The following N4BP2L2 variants were observed in gnomAD, a reference collection of about 807,000 sequenced individuals.
N4BP2L2 encodes the protein NEDD4-binding protein 2-like 2.
Under a neutral mutation model 56.2 loss-of-function variants are expected in N4BP2L2, and 50 were observed. That is an observed-to-expected ratio of 0.89 (90% CI 0.71 to 1.13). The LOEUF (loss-of-function observed/expected upper bound fraction) is 1.13, where lower values mean the gene tolerates loss of function less well. N4BP2L2 is among the 50% of genes most tolerant of loss of function. The pLI, the probability that N4BP2L2 is intolerant of heterozygous loss-of-function variation, is 0.00. For missense variants in N4BP2L2, 689 were observed against 693.8 expected, an observed-to-expected ratio of 0.99 and a Z score of 0.08; for synonymous variants, 203 against 223.6, an observed-to-expected ratio of 0.91 and a Z score of 0.82.
intron 6 of N4BP2L2, among the ~76,000 whole-genome samples, chr13:32,451,457 T>A (rs1400983203): frequency 1.3e-5 from 2 of 152,076 alleles, no homozygotes; most frequent in Non-Finnish European, 2.9e-5. Flanking sequence ...ATTATATGAA[T>A]AACTTTATAA....
chr13:32,434,250 TTTTTTC>T (rs1312500403), intron 9 of N4BP2L2, among the ~76,000 whole-genome samples: 18 of 135,130 alleles, frequency 1.3e-4, no homozygotes, highest in South Asian at 2.4e-4. Flanking sequence ...CTAATTTTCT[TTTTTTC>T]TTTTTTTTTT....
At chr13:32,517,632 ATATTTT>A in exon 6 of N4BP2L2, 1 of 1,399,834 alleles carries the variant, frequency 7.1e-7, no homozygotes, top group Non-Finnish European at 9.2e-7. Flanking sequence ...ACAATTTCAT[ATATTTT>A]TATTTACACT....
At position 32,500,395 on chromosome 13, in the gene N4BP2L2, T is replaced by C. The variant is rs371042372; in HGVS notation, c.365+17462A>G. 2.6e-5 allele frequency among the ~76,000 whole-genome samples: 4 copies of C among 151,908 alleles called. No homozygotes were observed. The East Asian group carries it at 7.7e-4, about 29-fold the overall frequency. On this transcript the variant is annotated intron_variant, in intron 6 of 9. Transcript: ENST00000357505. ...AATAACTTCTACTTCAGTTTAAAAG[T>C]AGAAAATAAAAAGTAAGCCAGGAAG... is the stretch of plus-strand genomic sequence containing the variant.
intron 5 of N4BP2L2, among the ~76,000 whole-genome samples, chr13:32,519,065 C>G (rs1031903376): frequency 2.3e-4 from 35 of 151,714 alleles, no homozygotes; most frequent in African/African-American, 7.8e-4. Context: ...CTTTTCAATG[C>G]TGATGTTTAC....
intron 6 of N4BP2L2, among the ~76,000 whole-genome samples, chr13:32,491,654 C>T (rs1268040016): frequency 1.5e-5 from 2 of 135,532 alleles, no homozygotes; most frequent in Admixed American, 7.9e-5. Flanking sequence ...TTTTTTGAGA[C>T]GGAGTCTAAC....
At chr13:32,502,361 G>A (rs865806408) in intron 6 of N4BP2L2, among the ~76,000 whole-genome samples, 3 of 152,058 alleles carry the variant, frequency 2.0e-5, no homozygotes, top group African/African-American at 4.8e-5. Context: ...ACAGGTGTGA[G>A]CCCAGCCTAT....
At chr13:32,476,338 T>C (rs2083314215) in intron 6 of N4BP2L2, among the ~76,000 whole-genome samples, 3 of 152,208 alleles carry the variant, frequency 2.0e-5, no homozygotes, top group African/African-American at 7.2e-5. Context: ...AAATGGCTTC[T>C]TTGCTTTTGT....
At chr13:32,432,721 A>C (rs1289956006) in exon 10 of N4BP2L2, 1 of 152,204 alleles carries the variant, frequency 6.6e-6, no homozygotes, top group East Asian at 1.9e-4. Context: ...TCTGTGCCTT[A>C]CTTTCTTCTA....
At chr13:32,462,912 G>T (rs545388276) in intron 6 of N4BP2L2, among the ~76,000 whole-genome samples, 1 of 140,996 alleles carries the variant, frequency 7.1e-6, no homozygotes, top group African/African-American at 2.6e-5. Flanking sequence ...GCACAGCAGC[G>T]CATGCCTGTA....
intron 3 of N4BP2L2, 69 bp from the exon 4 acceptor site, chr13:32,522,339 A>G (rs2051211173): frequency 9.7e-7 from 1 of 1,030,540 alleles, no homozygotes; most frequent in Non-Finnish European, 1.4e-6. Flanking sequence ...TTAAACATTT[A>G]TTATTAAGAA....
chr13:32,536,689 G>A (rs745527587), exon 2 of N4BP2L2: 8 of 1,613,962 alleles, frequency 5.0e-6, no homozygotes, highest in Middle Eastern at 1.7e-4. Context: ...ATATCTCATC[G>A]TCTGCGGATA....
intron 7 of N4BP2L2, among the ~76,000 whole-genome samples, chr13:32,441,211 C>T (rs1013522388): frequency 6.6e-6 from 1 of 152,176 alleles, no homozygotes; most frequent in African/African-American, 2.4e-5. Flanking sequence ...AGTCAGGCTT[C>T]CACCTCATCC....
At chr13:32,485,479 A>G (rs897656986) in intron 6 of N4BP2L2, among the ~76,000 whole-genome samples, 11 of 152,214 alleles carry the variant, frequency 7.2e-5, no homozygotes, top group African/African-American at 2.7e-4. Flanking sequence ...AACCAAAAAC[A>G]TCACACAAAA....
intron 5 of N4BP2L2, among the ~76,000 whole-genome samples, chr13:32,520,151 T>C (rs2050394258): frequency 6.6e-6 from 1 of 151,642 alleles, no homozygotes; most frequent in Non-Finnish European, 1.5e-5. Flanking sequence ...ATACACAGAG[T>C]AACAGCTTGA....
intron 9 of N4BP2L2, among the ~76,000 whole-genome samples, chr13:32,433,374 T>C (rs754701821): frequency 8.5e-5 from 13 of 152,256 alleles, no homozygotes; most frequent in South Asian, 2.1e-4. Flanking sequence ...CTCACGCCTG[T>C]AATCCCAGCA....
intron 7 of N4BP2L2, among the ~76,000 whole-genome samples, chr13:32,441,815 G>A (rs1030089186): frequency 1.3e-5 from 2 of 149,900 alleles, no homozygotes; most frequent in South Asian, 2.1e-4. Context: ...AGGCCGAGGC[G>A]GGCGGATCAC....
At chr13:32,468,075 A>G (rs2081558917) in intron 6 of N4BP2L2, among the ~76,000 whole-genome samples, 1 of 152,186 alleles carries the variant, frequency 6.6e-6, no homozygotes, top group Non-Finnish European at 1.5e-5. Flanking sequence ...TGGAAATGTC[A>G]AACAGGCAAT....
At chr13:32,450,116 T>C (rs2077678148) in intron 6 of N4BP2L2, among the ~76,000 whole-genome samples, 1 of 152,156 alleles carries the variant, frequency 6.6e-6, no homozygotes, top group Admixed American at 6.5e-5. Context: ...TGCTCACATA[T>C]AATATCTATA....
At chr13:32,526,328 G>C (rs567693588) in intron 3 of N4BP2L2, among the ~76,000 whole-genome samples, 1 of 152,050 alleles carries the variant, frequency 6.6e-6, no homozygotes, top group African/African-American at 2.4e-5. Flanking sequence ...AGATTTTTTC[G>C]AACAACAGAG....
Sources: gnomAD v4.1 joint callset for allele counts (sites outside exome capture counted in the v4.1 genomes callset) on GRCh38, gnomAD v4.1.1 for gene constraint, MANE v1.5 for transcripts, NCBI Gene and HGNC (gene_info 2026-07-23, HGNC 2026-07-21) for gene names.